RNGTT: variants seen among roughly 807,000 people sequenced by gnomAD.
RNGTT encodes the protein RNA guanylyltransferase and 5'-phosphatase, also known as mRNA-capping enzyme.
Under a neutral mutation model 79.3 loss-of-function variants are expected in RNGTT, and 33 were observed. The observed-to-expected ratio is 0.42, with a 90% CI of 0.32 to 0.56. RNGTT has a LOEUF of 0.56. RNGTT is among the 20% of genes least tolerant of loss of function. The pLI is 0.17. For synonymous variants in RNGTT, 222 were observed against 235.9 expected (o/e 0.94, Z 0.54); for missense variants, 497 against 739.1 (o/e 0.67, Z 3.80).
At chr6:88,856,106 G>A (rs1781836736) in intron 8 of RNGTT, among the ~76,000 whole-genome samples, 1 of 151,930 alleles carries the variant, frequency 6.6e-6, no homozygotes, top group Non-Finnish European at 1.5e-5. Context: ...ATATATATTA[G>A]GATATTTAAA....
At chr6:88,714,734 G>A (rs541118405) in intron 13 of RNGTT, among the ~76,000 whole-genome samples, 1 of 151,358 alleles carries the variant, frequency 6.6e-6, no homozygotes, top group Non-Finnish European at 1.5e-5. Context: ...GAGCCACCGC[G>A]CCCGGCCTAA....
chr6:88,774,302 GA>G (rs34763553), intron 12 of RNGTT, among the ~76,000 whole-genome samples: 4 of 150,218 alleles, frequency 2.7e-5, no homozygotes, highest in Non-Finnish European at 4.4e-5. Flanking sequence ...CTATAATTTA[GA>G]AAAAAAAACA....
chr6:88,921,316 CT>C (rs1204446796), intron 4 of RNGTT, among the ~76,000 whole-genome samples: 1 of 148,708 alleles, frequency 6.7e-6, no homozygotes, highest in African/African-American at 2.5e-5. Flanking sequence ...GAGACCTGGT[CT>C]TTAAAAAAAA....
At chr6:88,678,500 G>T (rs1774967510) in intron 13 of RNGTT, 81 bp from the exon 14 acceptor site, 2 of 806,124 alleles carry the variant, frequency 2.5e-6, no homozygotes, top group Non-Finnish European at 3.4e-6. Context: ...TTGAATAATA[G>T]ATATAATATA....
intron 11 of RNGTT, among the ~76,000 whole-genome samples, chr6:88,812,690 G>A (rs547178367): frequency 1.7e-4 from 26 of 152,316 alleles, no homozygotes; most frequent in Non-Finnish European, 3.4e-4. Context: ...ACCAACTGGA[G>A]AAGACATCCT....
At chr6:88,706,740 T>C (rs1378217427) in intron 13 of RNGTT, among the ~76,000 whole-genome samples, 2 of 152,140 alleles carry the variant, frequency 1.3e-5, no homozygotes, top group East Asian at 3.8e-4. Flanking sequence ...CACAAATAAA[T>C]GTTTTATAAC....
chr6:88,893,085 T>C lies in RNGTT; in HGVS notation c.685-1170A>G, dbSNP rs1434663897. ...TCTGTACTAGCCAATGGCATTTCTG[T>C]TTAAAACCATTTTTATCATTAAGTA... On this transcript the variant is annotated intron_variant, in intron 6 of 15. Coordinates refer to ENST00000369485, the MANE Select transcript of RNGTT (RefSeq NM_003800.5). Among the ~76,000 whole-genome samples the C allele has an allele frequency of 2.0e-5, 3 of 152,098 alleles. No individual in the cohort carries two copies. The South Asian group carries it at 6.2e-4, about 31-fold the overall frequency.
chr6:88,863,710 T>C (rs1782083423), intron 8 of RNGTT, among the ~76,000 whole-genome samples: 1 of 152,118 alleles, frequency 6.6e-6, no homozygotes, highest in Admixed American at 6.6e-5. Context: ...TCTCTCTTAT[T>C]CCACAAAATT....
chr6:88,632,960 T>C (rs1772958656), intron 14 of RNGTT, among the ~76,000 whole-genome samples: 1 of 152,232 alleles, frequency 6.6e-6, no homozygotes, highest in Admixed American at 6.5e-5. Context: ...GTAAAGAGGC[T>C]GTCCTGGCTG....
chr6:88,694,598 A>C (rs1338176405), intron 13 of RNGTT, among the ~76,000 whole-genome samples: 1 of 152,316 alleles, frequency 6.6e-6, no homozygotes, highest in East Asian at 1.9e-4. Flanking sequence ...AAAAATTCTA[A>C]AATTCCTATG....
rs753989643 is a variant in RNGTT at position 88,769,795 on chromosome 6, A to AT, written c.1417dup (p.Ile473AsnfsTer23). The AT allele has an allele frequency of 1.2e-6, 2 of 1,610,492 alleles. No individual in the cohort carries two copies. Among genetic ancestry groups the AT allele is most frequent in the African/African-American group, 1.3e-5 (1 of 74,984 alleles). On this transcript the variant is annotated frameshift_variant, in exon 13 of 16. Coordinates refer to ENST00000369485, the MANE Select transcript of RNGTT (RefSeq NM_003800.5). LOFTEE classifies it high-confidence loss of function. ...TTACCCTTCTCCTCCCATTCTTGTT[A>AT]TTTTTAGACGAAAATCCACAGAATT...
intron 4 of RNGTT, among the ~76,000 whole-genome samples, chr6:88,915,712 C>T (rs756463413): frequency 5.9e-5 from 9 of 152,134 alleles, no homozygotes; most frequent in Non-Finnish European, 1.2e-4. Context: ...CAAACTCCTG[C>T]CTCACACAAT....
At chr6:88,658,493 C>T (rs531412922) in intron 14 of RNGTT, among the ~76,000 whole-genome samples, 2 of 152,274 alleles carry the variant, frequency 1.3e-5, no homozygotes, top group South Asian at 4.1e-4. Flanking sequence ...CCTAGAAGGG[C>T]AATAGTAATC....
intron 2 of RNGTT, among the ~76,000 whole-genome samples, chr6:88,938,603 CCTTT>C (rs1784744661): frequency 6.6e-6 from 1 of 151,810 alleles, no homozygotes; most frequent in South Asian, 2.1e-4. Flanking sequence ...TATTCTTTGT[CCTTT>C]CTTTCTCTCT....
intron 14 of RNGTT, among the ~76,000 whole-genome samples, chr6:88,638,688 T>A (rs1049771374): frequency 3.3e-5 from 5 of 152,128 alleles, no homozygotes; most frequent in African/African-American, 1.2e-4. Context: ...TCGTTATTTT[T>A]ATTTTCTTTT....
chr6:88,814,924 G>A (rs1562266386), intron 11 of RNGTT, among the ~76,000 whole-genome samples: 3 of 152,122 alleles, frequency 2.0e-5, no homozygotes, highest in Admixed American at 6.5e-5. Flanking sequence ...GTTTAAATAG[G>A]TGTGTTGAGG....
At chr6:88,849,257 A>G (rs1330013850) in intron 10 of RNGTT, among the ~76,000 whole-genome samples, 1 of 152,046 alleles carries the variant, frequency 6.6e-6, no homozygotes, top group Non-Finnish European at 1.5e-5. Context: ...TTTGTTTTAA[A>G]TACAGAATTT....
At chr6:88,784,918 A>G (rs538751211) in intron 12 of RNGTT, among the ~76,000 whole-genome samples, 1 of 152,100 alleles carries the variant, frequency 6.6e-6, no homozygotes, top group Non-Finnish European at 1.5e-5. Context: ...GTATTCACAC[A>G]TTTGTATTTG....
At chr6:88,717,326 A>G (rs901127842) in intron 13 of RNGTT, among the ~76,000 whole-genome samples, 1 of 152,190 alleles carries the variant, frequency 6.6e-6, no homozygotes, top group African/African-American at 2.4e-5. Context: ...ATTTGGTAGA[A>G]CTGCTTTAGG....
Sources: gnomAD v4.1 joint callset for allele counts (sites outside exome capture counted in the v4.1 genomes callset) on GRCh38, gnomAD v4.1.1 for gene constraint, MANE v1.5 for transcripts, NCBI Gene and HGNC (gene_info 2026-07-23, HGNC 2026-07-21) for gene names.